Variants in DHX16 observed in about 807,000 individuals in gnomAD.
DHX16 encodes pre-mRNA-splicing factor ATP-dependent RNA helicase DHX16.
DHX16 carries 81 observed loss-of-function variants against 131.2 expected under a neutral mutation model. The observed-to-expected ratio is 0.62, with a 90% CI of 0.52 to 0.74. The LOEUF (loss-of-function observed/expected upper bound fraction) is 0.74, where lower values mean the gene tolerates loss of function less well. Ranked by LOEUF, DHX16 falls within the 30% of genes least tolerant of loss-of-function variation. The pLI is 0.00. For missense variants in DHX16, 980 were observed against 1,363.1 expected (o/e 0.72, Z 4.43); for synonymous variants, 440 against 520.2 (o/e 0.85, Z 2.10).
chr6:30,670,420 C>A lies in DHX16; in HGVS notation c.656G>T (p.Arg219Leu). 6.2e-7 allele frequency: 1 copy of A among 1,610,408 alleles called. No individual in the cohort carries two copies. Residue 219 changes from arginine to leucine, a missense_variant, in exon 4 of 20, where the codon CGG becomes CTG. Arg to Leu is a moderately radical substitution (Grantham distance 102, BLOSUM62 -2). Transcript: ENST00000376442. The surrounding 1 kb of genome is among the most constrained non-coding windows in gnomAD (Gnocchi z 4.4). ...GGCCCTGGGACTCACCATGGCCTTC[C>A]GGTCTTCCTCGGCCATCTTGAGGCG... ...QKRLKMAEED[R>L]KAMVPELRKK...
rs1358229582 is a variant in DHX16, at chr6:30,656,979, T to C, written c.2121A>G (p.Glu707=). Residue 707 remains glutamate (E), a synonymous_variant, in exon 13 of 20, where the codon GAA becomes GAG. Transcript: ENST00000376442. The surrounding 1 kb of genome is among the most constrained non-coding windows in gnomAD (Gnocchi z 5.1). ...TGCTGCAGGGTGTGACAGTGAGCGA[T>C]TCCATGCCTGTGCGGGGGTTGTAGC... is the stretch of plus-strand genomic sequence containing the variant. ...QKSYNPRTGM[E]SLTVTPCSKA... 2.5e-6 allele frequency: 4 copies of C among 1,612,960 alleles called. No homozygotes were observed. Among genetic ancestry groups the C allele is most frequent in the Non-Finnish European group, 3.4e-6 (4 of 1,179,968 alleles).
At position 30,665,855 on chromosome 6, in the gene DHX16, T is replaced by C; in HGVS notation, c.667-122A>G. ...CATGAGAACCTCAGGATGCACCCTC[T>C]ACCTTCCCTCTGCAATGCACAACCA... On this transcript the variant is annotated intron_variant, in intron 4 of 19. Transcript: ENST00000376442. The surrounding 1 kb of genome is among the most constrained non-coding windows in gnomAD (Gnocchi z 4.8). 7.8e-7 allele frequency: 1 copy of C among 1,286,122 alleles called. No individual in the cohort carries two copies. The highest frequency in any genetic ancestry group is 1.1e-6 in the Non-Finnish European group (1 of 949,478). The allele number at this position is 1,286,122 out of a possible 1,614,324, so 79.7% of individuals were successfully genotyped here.
chr6:30,664,663 T>C lies in DHX16; in HGVS notation c.1317+138A>G. 5.2e-6 allele frequency: 4 copies of C among 770,414 alleles called. No homozygotes were observed. In the South Asian group the frequency reaches 7.5e-5, roughly 15 times the overall value. 47.7% of individuals were successfully genotyped at this position (770,414 alleles called of 1,614,324 possible). The stretch of plus-strand genomic sequence containing the variant: ...ACAGAAATGTGAAAAGGGTATGGTC[T>C]TTACTCTCAAGAATTTCACAATTTA... On this transcript the variant is annotated intron_variant, in intron 7 of 19. Coordinates refer to ENST00000376442, the MANE Select transcript of DHX16 (RefSeq NM_003587.5).
In DHX16 at chr6:30,659,774, G is replaced by A. The variant is rs1336326114; in HGVS notation, c.1816C>T (p.Gln606Ter). The change falls in exon 11 of 20, where the codon CAG becomes TAG. Residue 606 changes from glutamine to a stop codon, truncating the protein, a stop_gained. Transcript: ENST00000376442. LOFTEE classifies it high-confidence loss of function. ...VVSVLQIHVT[Q>*]PPGDILVFLT... is the part of the protein sequence containing the mutation. The stretch of plus-strand genomic sequence containing the variant: ...AACACCAGGATATCCCCAGGGGGCT[G>A]GGTCACATGGATCTGCAACACAGAT... 3.1e-6 allele frequency: 5 copies of A among 1,614,030 alleles called. No homozygotes were observed. Among genetic ancestry groups the A allele is most frequent in the Non-Finnish European group, 4.2e-6 (5 of 1,180,038 alleles).
rs771406150 is a variant in DHX16 at position 30,656,481 on chromosome 6, GA to G, written c.2339del (p.Phe780SerfsTer48). Reference protein sequence around the residue: ...LGIHDLMHFDFLDPPPYETLL... With the variant: ...LGIHDLMHFDXLDPPPYETLL... ...GTGTCTCATATGGTGGAGGGTCCAG[GA>G]AATCAAAGTGCATTAGGTCATGGAT... On this transcript the variant is annotated frameshift_variant, in exon 15 of 20. Transcript: ENST00000376442. LOFTEE classifies it high-confidence loss of function. This position sits in a 1 kb window ranked among gnomAD's most constrained non-coding sequence, Gnocchi z 5.1. The G allele has an allele frequency of 6.2e-7, 1 of 1,614,196 alleles. No individual in the cohort carries two copies. The highest frequency in any genetic ancestry group is 1.7e-5 in the Admixed American group (1 of 60,016).
At position 30,672,751 on chromosome 6, in the gene DHX16, T is replaced by A. The variant is rs773038887; in HGVS notation, c.91A>T (p.Ile31Phe). The A allele has an allele frequency of 1.9e-6, 3 of 1,612,908 alleles. No individual in the cohort carries two copies. The highest frequency in any genetic ancestry group is 2.5e-6 in the Non-Finnish European group (3 of 1,180,000). ...LSERHVAQFL[I>F]GTAQRCTSAE... ...GAGGTGCAGCGCTGTGCGGTACCGA[T>A]CAGAAACTGGGCGACGTGCCGCTCG... The change falls in exon 1 of 20, where the codon ATC (isoleucine) becomes TTC (phenylalanine). Residue 31 changes from isoleucine to phenylalanine, a missense_variant. Physicochemically the swap from Ile to Phe is conservative, Grantham distance 21. Around this residue, in one of 3 missense-constraint regions of DHX16, gnomAD observed 457 missense variants for 554.8 expected, o/e 0.82. Coordinates refer to ENST00000376442, the MANE Select transcript of DHX16 (RefSeq NM_003587.5).
At chr6:30,666,801 T>A (rs1769083864) in intron 4 of DHX16, among the ~76,000 whole-genome samples, 1 of 151,796 alleles carries the variant, frequency 6.6e-6, no homozygotes, top group Admixed American at 6.6e-5. Context: ...AGAACAAAAC[T>A]GCATCTTTAA....
Position 30,664,936 on chromosome 6 carries a change from G to T in DHX16, c.1182C>A (p.Ala394=). 1 of 1,613,808 alleles carries T rather than the reference G, an allele frequency of 6.2e-7. No individual in the cohort carries two copies. Among genetic ancestry groups the T allele is most frequent in the Non-Finnish European group, 8.5e-7 (1 of 1,180,014 alleles). ...GGAACACCGGGAGGCTGCGGCGGACGGCCTGGATGGACTCTTTCTGCTGGG... is the reference window on the plus strand; with the variant it reads ...GGAACACCGGGAGGCTGCGGCGGACTGCCTGGATGGACTCTTTCTGCTGGG... ...TQAQQKESIQ[A]VRRSLPVFPF... is the part of the protein sequence containing the mutation. The change falls in exon 7 of 20, where the codon GCC becomes GCA. Residue 394 remains alanine (A), a synonymous_variant. Coordinates refer to ENST00000376442, the MANE Select transcript of DHX16 (RefSeq NM_003587.5).
At chr6:30,659,904 T>C in intron 10 of DHX16, 70 bp from the exon 11 acceptor site, 1 of 1,562,088 alleles carries the variant, frequency 6.4e-7, no homozygotes, top group East Asian at 2.2e-5. Context: ...CTCCTCCCAA[T>C]TCAACATACA....
intron 7 of DHX16, among the ~76,000 whole-genome samples, chr6:30,663,733 A>AAG (rs1554164675): frequency 1.3e-5 from 2 of 150,254 alleles, no homozygotes; most frequent in Admixed American, 6.7e-5. Flanking sequence ...AAAAAAAAAA[A>AAG]AAAAAATTTC....
chr6:30,656,474 G>A lies in DHX16; in HGVS notation c.2347C>T (p.Pro783Ser), dbSNP rs772762809. ...AGCAGCAGTGTCTCATATGGTGGAG[G>A]GTCCAGGAAATCAAAGTGCATTAGG... ...HDLMHFDFLDPPPYETLLLAL... is the reference protein window; with the variant it reads ...HDLMHFDFLDSPPYETLLLAL... Residue 783 changes from proline to serine, a missense_variant, in exon 15 of 20, where the codon CCT (proline) becomes TCT (serine). Around this residue, in one of 3 missense-constraint regions of DHX16, gnomAD observed 309 missense variants for 537.1 expected, o/e 0.58. Coordinates refer to ENST00000376442, the MANE Select transcript of DHX16 (RefSeq NM_003587.5). This position sits in a 1 kb window ranked among gnomAD's most constrained non-coding sequence, Gnocchi z 5.1. 1 of 1,614,158 alleles carries A rather than the reference G, an allele frequency of 6.2e-7. No homozygotes were observed. The highest frequency in any genetic ancestry group is 2.2e-5 in the East Asian group (1 of 44,884).
At chr6:30,654,023 G>GCAGGGGAATCACTTGAAAC (rs1767718124) in intron 19 of DHX16, among the ~76,000 whole-genome samples, 1 of 152,118 alleles carries the variant, frequency 6.6e-6, no homozygotes, top group Non-Finnish European at 1.5e-5. Context: ...GGAGGCTGAG[G>GCAGGGGAATCACTTGAAAC]CAGGGGAATC....
chr6:30,658,158 AC>A (rs1177916262), intron 12 of DHX16, among the ~76,000 whole-genome samples: 8 of 152,204 alleles, frequency 5.3e-5, no homozygotes. Context: ...GTAACCCAGC[AC>A]TTTGAGAGGC....
Position 30,671,117 on chromosome 6 carries a change from C to T in DHX16, c.365G>A (p.Arg122His), listed in dbSNP as rs140919186. The change falls in exon 2 of 20, where the codon CGT becomes CAT. Residue 122 changes from arginine to histidine, a missense_variant. This residue lies in a region of DHX16 where 457 missense variants were observed against 554.8 expected (regional missense o/e 0.82). Transcript: ENST00000376442. ...CTTCCTGAGGTGTTTCCGCTTTTTA[C>T]GTTTCTTCTGGAGGCTGCTTCCAGC... ...SRAGSSLQKK[R>H]KKRKHLRKKR... 3.4e-4 allele frequency: 546 copies of T among 1,613,066 alleles called. 1 individual carries two copies. In the African/African-American group the frequency reaches 6.0e-3, roughly 18 times the overall value.
At chr6:30,666,764 C>T (rs1048590535) in intron 4 of DHX16, among the ~76,000 whole-genome samples, 4 of 152,084 alleles carry the variant, frequency 2.6e-5, no homozygotes, top group Non-Finnish European at 5.9e-5. Context: ...GCTTAGCTCA[C>T]GCCATTGCAC....
At chr6:30,672,116 C>T (rs1182251526) in intron 1 of DHX16, among the ~76,000 whole-genome samples, 1 of 151,508 alleles carries the variant, frequency 6.6e-6, no homozygotes, top group Admixed American at 6.6e-5. Flanking sequence ...AGAGACCAGC[C>T]TGCGCAACAC....
rs1270561348 is a variant in DHX16, at chr6:30,656,134, C to T, written c.2498+64G>A. On this transcript the variant is annotated intron_variant, in intron 16 of 19. Coordinates refer to ENST00000376442, the MANE Select transcript of DHX16 (RefSeq NM_003587.5). The surrounding 1 kb of genome is among the most constrained non-coding windows in gnomAD (Gnocchi z 5.1). The stretch of plus-strand genomic sequence containing the variant: ...ACAGAAAAAGACAGACAAAGGGGAC[C>T]CTGGAGACAGAGGAGGCCTGGCCTG... The T allele has an allele frequency of 1.3e-6, 2 of 1,488,300 alleles. No individual in the cohort carries two copies. The highest frequency in any genetic ancestry group is 2.8e-5 in the African/African-American group (2 of 72,420). 92.2% of individuals were successfully genotyped at this position (1,488,300 alleles called of 1,614,324 possible).
chr6:30,660,743 G>A (rs1157359022), intron 9 of DHX16, among the ~76,000 whole-genome samples: 1 of 151,974 alleles, frequency 6.6e-6, no homozygotes, highest in Non-Finnish European at 1.5e-5. Flanking sequence ...TTAGCCAGAT[G>A]TGGTGGTAGA....
chr6:30,665,764 T>C lies in DHX16; in HGVS notation c.667-31A>G. The C allele has an allele frequency of 6.3e-7, 1 of 1,593,634 alleles. No homozygotes were observed. Among genetic ancestry groups the C allele is most frequent in the Non-Finnish European group, 8.5e-7 (1 of 1,173,738 alleles). On this transcript the variant is annotated intron_variant, in intron 4 of 19. Transcript: ENST00000376442. This position sits in a 1 kb window ranked among gnomAD's most constrained non-coding sequence, Gnocchi z 4.8. The stretch of plus-strand genomic sequence containing the variant: ...TTGGGAAAGGACAGTCGAATCCTCA[T>C]CTTGCTGGAGGAGCAACCCCTTTCT...
Sources: gnomAD v4.1 joint callset for allele counts (sites outside exome capture counted in the v4.1 genomes callset) on GRCh38, gnomAD v4.1.1 for gene constraint, gnomAD v4.1.1 regional missense constraint, Gnocchi (gnomAD v3.1) non-coding constraint, MANE v1.5 for transcripts, NCBI Gene and HGNC (gene_info 2026-07-23, HGNC 2026-07-21) for gene names.